The following GCC2 variants were observed in gnomAD, a reference collection of about 807,000 sequenced individuals.
GCC2 encodes GRIP and coiled-coil domain-containing protein 2.
A neutral mutation model predicts 210.6 loss-of-function variants in GCC2; 120 were observed. The observed-to-expected ratio is 0.57, with a 90% CI of 0.49 to 0.66. GCC2 has a LOEUF of 0.66. GCC2 is among the 30% of genes least tolerant of loss of function. The pLI is 0.00. For synonymous variants in GCC2, 703 were observed against 652.7 expected (o/e 1.08, Z -1.17); for missense variants, 1,868 against 1,871.9 (o/e 1.00, Z 0.04).
chr2:108,454,114 C>A (rs1428476543), intron 4 of GCC2, among the ~76,000 whole-genome samples: 1 of 152,136 alleles, frequency 6.6e-6, no homozygotes, highest in African/African-American at 2.4e-5. Flanking sequence ...CCTCAGCCTC[C>A]CAAGTAGCTG....
At chr2:108,478,228 T>TA (rs1681644875) in intron 9 of GCC2, among the ~76,000 whole-genome samples, 1 of 150,490 alleles carries the variant, frequency 6.6e-6, no homozygotes, top group African/African-American at 2.5e-5. Context: ...TATATAAACA[T>TA]ACTAATTCTT....
At chr2:108,459,578 G>A (rs545362466) in intron 4 of GCC2, among the ~76,000 whole-genome samples, 54 of 151,784 alleles carry the variant, frequency 3.6e-4, no homozygotes, top group African/African-American at 1.3e-3. Context: ...GCTGAGAGTG[G>A]GGTGAGTTTG....
intron 4 of GCC2, among the ~76,000 whole-genome samples, chr2:108,453,062 C>T (rs1189939146): frequency 2.0e-5 from 3 of 152,194 alleles, no homozygotes; most frequent in Non-Finnish European, 4.4e-5. Context: ...TGGCCATGCT[C>T]AGGACTTAAG....
intron 22 of GCC2, among the ~76,000 whole-genome samples, chr2:108,500,203 G>C (rs1682849815): frequency 6.6e-6 from 1 of 152,032 alleles, no homozygotes; most frequent in African/African-American, 2.4e-5. Flanking sequence ...CCACTTTCTA[G>C]GCAAATGCAG....
chr2:108,477,728 A>G (rs1558745945), intron 9 of GCC2, among the ~76,000 whole-genome samples: 1 of 152,246 alleles, frequency 6.6e-6, no homozygotes, highest in Non-Finnish European at 1.5e-5. Context: ...ACTTCTGCAT[A>G]CAAAAGACTT....
rs1360094535 is a variant in GCC2 at position 108,449,305 on chromosome 2, T to C, written c.6+25T>C. The C allele has an allele frequency of 3.2e-6, 5 of 1,547,684 alleles. No individual in the cohort carries two copies. In the African/African-American group the frequency reaches 4.1e-5, roughly 13 times the overall value. ...GGTAACTCAGGTCGGGCCCACTGCC[T>C]CCCATCAAGCCTTCCGCGCCGCGAT... On this transcript the variant is annotated intron_variant, in intron 1 of 22. Coordinates refer to ENST00000309863, the MANE Select transcript of GCC2 (RefSeq NM_181453.4).
At position 108,495,437 on chromosome 2, in the gene GCC2, T is replaced by A. The variant is rs1558758722; in HGVS notation, c.4594T>A (p.Tyr1532Asn). 2 of 1,594,446 alleles carry A rather than the reference T, an allele frequency of 1.3e-6. No homozygotes were observed. Among genetic ancestry groups the A allele is most frequent in the Admixed American group, 3.3e-5 (2 of 59,866 alleles). Residue 1532 changes from tyrosine to asparagine, a missense_variant, in exon 20 of 23, where the codon TAC (tyrosine) becomes AAC (asparagine). Coordinates refer to ENST00000309863, the MANE Select transcript of GCC2 (RefSeq NM_181453.4). ...GGAGTCTGTGTCTTCCGCCAGCACA[T>A]ACACACAGTCTTTAGAGCAGCTGCT... ...DTESVSSASTYTQSLEQLLNS... is the reference protein window; with the variant it reads ...DTESVSSASTNTQSLEQLLNS...
chr2:108,497,073 A>G lies in GCC2; in HGVS notation c.4746A>G (p.Thr1582=). The change falls in exon 21 of 23, where the codon ACA becomes ACG. Residue 1582 remains threonine (T), a synonymous_variant. Coordinates refer to ENST00000309863, the MANE Select transcript of GCC2 (RefSeq NM_181453.4). ...ADHLNGLLRE[T]EATNAILMEQ... is the part of the protein sequence containing the mutation. The stretch of plus-strand genomic sequence containing the variant: ...ACTTAAACGGCCTGCTTCGGGAAAC[A>G]GAAGCAACCAATGCAATTCTTATGG... The G allele has an allele frequency of 6.2e-7, 1 of 1,612,062 alleles. No homozygotes were observed. The highest frequency in any genetic ancestry group is 1.3e-5 in the African/African-American group (1 of 74,988).
intron 22 of GCC2, among the ~76,000 whole-genome samples, chr2:108,503,191 T>A (rs1683014370): frequency 6.6e-6 from 1 of 151,774 alleles, no homozygotes; most frequent in African/African-American, 2.4e-5. Flanking sequence ...GAAATCTACT[T>A]CTAGTCACAT....
At chr2:108,478,973 G>C (rs1050772540) in intron 9 of GCC2, among the ~76,000 whole-genome samples, 3 of 152,072 alleles carry the variant, frequency 2.0e-5, no homozygotes, top group African/African-American at 7.2e-5. Context: ...CTTGAGGATT[G>C]CCTGAGGTCA....
In GCC2 at chr2:108,509,222, G is replaced by A. The variant is rs1163783521; in HGVS notation, c.*1592G>A. 1.3e-5 allele frequency: 2 copies of A among 152,538 alleles called. No individual in the cohort carries two copies. The highest frequency in any genetic ancestry group is 6.6e-5 in the Admixed American group (1 of 15,266). The allele number at this position is 152,538 out of a possible 1,614,324, so 9.4% of individuals were successfully genotyped here. ...CTTTCTCTTTGACTTTAGACCTTTT[G>A]AAGTCTGTATAAACTTGTTTTGAAA... is the stretch of plus-strand genomic sequence containing the variant. On this transcript the variant is annotated 3_prime_UTR_variant, in exon 23 of 23. Coordinates refer to ENST00000309863, the MANE Select transcript of GCC2 (RefSeq NM_181453.4).
At chr2:108,487,914 T>A (rs1487609894) in intron 17 of GCC2, 94 bp downstream of exon 17, 2 of 1,355,598 alleles carry the variant, frequency 1.5e-6, no homozygotes, top group East Asian at 5.0e-5. Context: ...TTTTTTTTTT[T>A]TTTTTTTTTG....
intron 22 of GCC2, among the ~76,000 whole-genome samples, chr2:108,504,489 A>G (rs1360840402): frequency 1.3e-5 from 2 of 152,186 alleles, no homozygotes; most frequent in Non-Finnish European, 2.9e-5. Context: ...TTATAAGGTA[A>G]AGTGACTTAG....
intron 9 of GCC2, among the ~76,000 whole-genome samples, chr2:108,477,496 A>G (rs972805383): frequency 6.6e-6 from 1 of 152,224 alleles, no homozygotes; most frequent in Non-Finnish European, 1.5e-5. Context: ...AGCAGAGCTG[A>G]AATTTTAATT....
At position 108,486,611 on chromosome 2, in the gene GCC2, G is replaced by A. The variant is rs1257498831; in HGVS notation, c.3893G>A (p.Arg1298Lys). The change falls in exon 16 of 23, where the codon AGA (arginine) becomes AAA (lysine). Residue 1298 changes from arginine (R) to lysine (K), a missense_variant. Arg to Lys is a conservative substitution (Grantham distance 26). Transcript: ENST00000309863. ...HQRTLSAYQQ[R>K]VTALQEECRA... ...CGTACGCTAAGTGCATACCAGCAGA[G>A]AGTGACAGCACTACAGGAAGAGTGC... is the stretch of plus-strand genomic sequence containing the variant. The A allele has an allele frequency of 6.2e-7, 1 of 1,614,042 alleles. No individual in the cohort carries two copies. Among genetic ancestry groups the A allele is most frequent in the South Asian group, 1.1e-5 (1 of 91,052 alleles).
chr2:108,479,980 C>CTAAAAAA (rs1681756112), intron 9 of GCC2, among the ~76,000 whole-genome samples: 1 of 114,536 alleles, frequency 8.7e-6, no homozygotes, highest in African/African-American at 3.7e-5. Context: ...GACTCCATCT[C>CTAAAAAA]AAAAAAAAAA....
chr2:108,482,253 C>T (rs772459735), intron 10 of GCC2, 34 bp from the exon 11 acceptor site: 5 of 1,306,034 alleles, frequency 3.8e-6, no homozygotes, highest in African/African-American at 3.0e-5. Flanking sequence ...ATGTTTTTTG[C>T]ATGTTTATAG....
At chr2:108,488,528 A>G (rs1682256129) in intron 17 of GCC2, among the ~76,000 whole-genome samples, 1 of 152,260 alleles carries the variant, frequency 6.6e-6, no homozygotes. Context: ...TAATTTAGCT[A>G]AACAGAAGTT....
Position 108,449,661 on chromosome 2 carries a change from C to T in GCC2, c.35C>T (p.Pro12Leu). 1 of 1,613,650 alleles carries T rather than the reference C, an allele frequency of 6.2e-7. No homozygotes were observed. Among genetic ancestry groups the T allele is most frequent in the South Asian group, 1.1e-5 (1 of 91,064 alleles). The part of the protein sequence containing the change: ...EDLVQDGVAS[P>L]ATPGTGKSKL... The stretch of plus-strand genomic sequence containing the variant: ...CTTGTTCAAGATGGGGTGGCTTCAC[C>T]AGCTACCCCTGGGACCGGGAAATCT... Residue 12 changes from proline to leucine, a missense_variant, in exon 2 of 23, where the codon CCA becomes CTA. Transcript: ENST00000309863.
Sources: allele counts gnomAD v4.1 joint callset (sites outside exome capture counted in the v4.1 genomes callset), GRCh38; gene constraint gnomAD v4.1.1; transcripts MANE v1.5; gene names NCBI Gene and HGNC (gene_info 2026-07-23, HGNC 2026-07-21).